The following LINGO2 variants were observed in gnomAD, a reference collection of about 807,000 sequenced individuals.
LINGO2 encodes leucine-rich repeat and immunoglobulin-like domain-containing nogo receptor-interacting protein 2.
Under a neutral mutation model 30.6 loss-of-function variants are expected in LINGO2, and 14 were observed. The observed-to-expected ratio is 0.46, with a 90% CI of 0.30 to 0.72. LINGO2 has a LOEUF of 0.72. Ranked by LOEUF, LINGO2 falls within the 30% of genes least tolerant of loss-of-function variation. The pLI, the probability that LINGO2 is intolerant of heterozygous loss-of-function variation, is 0.07. For synonymous variants in LINGO2, 317 were observed against 288.5 expected, an observed-to-expected ratio of 1.10 and a Z score of -1.00; for missense variants, 729 against 751.7, an observed-to-expected ratio of 0.97 and a Z score of 0.35.
At chr9:28,007,500 A>G (rs1375480143) in intron 5 of LINGO2, among the ~76,000 whole-genome samples, 1 of 152,192 alleles carries the variant, frequency 6.6e-6, no homozygotes, top group African/African-American at 2.4e-5. Context: ...TATTTTATCC[A>G]CTAAAATAAC....
the LINGO2 span, among the ~76,000 whole-genome samples, chr9:28,791,985 CTT>C: frequency 6.6e-6 from 1 of 151,210 alleles, no homozygotes; most frequent in East Asian, 1.9e-4. Flanking sequence ...CTAAAATACA[CTT>C]GTGTATACAG....
intron 4 of LINGO2, among the ~76,000 whole-genome samples, chr9:28,158,642 G>A (rs1336909494): frequency 6.6e-6 from 1 of 152,144 alleles, no homozygotes. Context: ...GGAGGCTTGT[G>A]TTATGATATC....
the LINGO2 span, among the ~76,000 whole-genome samples, chr9:29,008,863 G>T: frequency 6.6e-6 from 1 of 152,102 alleles, no homozygotes; most frequent in South Asian, 2.1e-4. Context: ...CCCTGGGATT[G>T]CAAGGCTGGT....
chr9:28,691,797 C>A, the LINGO2 span, among the ~76,000 whole-genome samples: 1 of 152,128 alleles, frequency 6.6e-6, no homozygotes, highest in South Asian at 2.1e-4. Context: ...CATCTGGCTA[C>A]TAGCAACAAT....
intron 1 of LINGO2, among the ~76,000 whole-genome samples, chr9:28,538,435 A>G (rs1821527813): frequency 6.6e-6 from 1 of 152,110 alleles, no homozygotes; most frequent in Admixed American, 6.6e-5. Context: ...TAGTTAACAC[A>G]AGTATTAAAT....
chr9:28,261,941 G>A (rs1023942316), intron 4 of LINGO2, among the ~76,000 whole-genome samples: 13 of 151,868 alleles, frequency 8.6e-5, no homozygotes, highest in African/African-American at 9.7e-5. Context: ...GACAAGGCAC[G>A]TAATTACTTT....
chr9:28,390,274 T>C (rs10812798), intron 2 of LINGO2, among the ~76,000 whole-genome samples: 15,489 of 152,212 alleles, frequency 0.1, 862 homozygotes, highest in East Asian at 0.17. Context: ...AATTAAACTA[T>C]TTCTTTCAGC....
At chr9:28,826,931 C>T in the LINGO2 span, among the ~76,000 whole-genome samples, 2 of 152,024 alleles carry the variant, frequency 1.3e-5, no homozygotes, top group East Asian at 3.9e-4. Context: ...TTTCTGAAAC[C>T]CAGTTTCTGA....
At chr9:28,202,242 T>A (rs1322408312) in intron 4 of LINGO2, among the ~76,000 whole-genome samples, 4 of 152,184 alleles carry the variant, frequency 2.6e-5, no homozygotes, top group African/African-American at 9.7e-5. Context: ...GGTATCAGGA[T>A]GAGGGCTTCA....
intron 4 of LINGO2, among the ~76,000 whole-genome samples, chr9:28,239,794 C>G (rs1372657665): frequency 6.6e-6 from 1 of 151,928 alleles, no homozygotes; most frequent in African/African-American, 2.4e-5. Context: ...AGCAATTAGA[C>G]AAGAGAAAGA....
chr9:28,275,331 C>T (rs1823080188), intron 4 of LINGO2, among the ~76,000 whole-genome samples: 1 of 152,084 alleles, frequency 6.6e-6, no homozygotes, highest in Non-Finnish European at 1.5e-5. Flanking sequence ...CCTTGGCCTC[C>T]CAAAGTGCTG....
At chr9:28,476,425 G>A (rs557937478) in intron 1 of LINGO2, among the ~76,000 whole-genome samples, 14 of 152,134 alleles carry the variant, frequency 9.2e-5, no homozygotes, top group South Asian at 4.2e-4. Context: ...ACAGGCGCCC[G>A]CCACCACGCC....
At chr9:28,811,903 T>C in the LINGO2 span, among the ~76,000 whole-genome samples, 2 of 152,146 alleles carry the variant, frequency 1.3e-5, no homozygotes, top group African/African-American at 2.4e-5. Flanking sequence ...AAGGAACTCG[T>C]TTTCCTTATT....
At chr9:28,995,896 G>GCATGGATAT in the LINGO2 span, among the ~76,000 whole-genome samples, 1 of 151,870 alleles carries the variant, frequency 6.6e-6, no homozygotes, top group Non-Finnish European at 1.5e-5. Context: ...GGGAGGGATA[G>GCATGGATAT]CATTAGGAGA....
rs867886009 is a variant in LINGO2 at position 28,350,957 on chromosome 9, C to G, written c.-246+21879G>C. ...AGATGTTCTTTGAAACCAACGAGAACAAAGACACAACATACCAGAATCTCT... is the reference window on the plus strand; with the variant it reads ...AGATGTTCTTTGAAACCAACGAGAAGAAAGACACAACATACCAGAATCTCT... On this transcript the variant is annotated intron_variant, in intron 3 of 5. Coordinates refer to ENST00000379992, the Ensembl canonical transcript of LINGO2. 1.6e-4 allele frequency among the ~76,000 whole-genome samples: 25 copies of G among 151,886 alleles called. No homozygotes were observed. The Middle Eastern group carries it at 0.01, about 62-fold the overall frequency.
At chr9:28,753,457 A>G in the LINGO2 span, among the ~76,000 whole-genome samples, 1 of 152,076 alleles carries the variant, frequency 6.6e-6, no homozygotes, top group African/African-American at 2.4e-5. Flanking sequence ...CTTCAGAGTT[A>G]GTCCTCAAAG....
At chr9:28,208,049 T>C (rs1185691569) in intron 4 of LINGO2, among the ~76,000 whole-genome samples, 1 of 152,120 alleles carries the variant, frequency 6.6e-6, no homozygotes, top group Non-Finnish European at 1.5e-5. Context: ...ATAGCTGCTT[T>C]TACAGCAGGA....
chr9:28,716,695 G>C, the LINGO2 span, among the ~76,000 whole-genome samples: 4 of 152,020 alleles, frequency 2.6e-5, no homozygotes, highest in Non-Finnish European at 5.9e-5. Context: ...TGGTAGATAA[G>C]ACAGAAAGAT....
At chr9:28,167,151 C>CG (rs1491547834) in intron 4 of LINGO2, among the ~76,000 whole-genome samples, 1 of 101,248 alleles carries the variant, frequency 9.9e-6, no homozygotes, top group Non-Finnish European at 2.1e-5. Context: ...CCCCCCCCCC[C>CG]ACTTTTCTTT....
Sources: gnomAD v4.1 joint callset for allele counts (sites outside exome capture counted in the v4.1 genomes callset) on GRCh38, gnomAD v4.1.1 for gene constraint, MANE v1.5 for transcripts, NCBI Gene and HGNC (gene_info 2026-07-23, HGNC 2026-07-21) for gene names.